Variants in LDB3 observed in about 807,000 individuals in gnomAD.
LDB3 encodes the protein LIM domain binding 3, also known as LIM domain-binding protein 3.
A neutral mutation model predicts 69.0 loss-of-function variants in LDB3; 49 were observed. That is an observed-to-expected ratio of 0.71 (90% CI 0.56 to 0.90). LDB3 has a LOEUF of 0.90. Ranked by LOEUF, LDB3 falls within the 40% of genes least tolerant of loss-of-function variation. LDB3 has a pLI of 0.00. For missense variants in LDB3, 928 were observed against 974.1 expected (o/e 0.95, Z 0.63); for synonymous variants, 387 against 396.2 (o/e 0.98, Z 0.28).
At chr10:86,730,264 T>C (rs576030818) in intron 13 of LDB3, among the ~76,000 whole-genome samples, 3 of 152,158 alleles carry the variant, frequency 2.0e-5, no homozygotes, top group Non-Finnish European at 4.4e-5. Flanking sequence ...TTTCTCTGTC[T>C]CCATGGGGGA....
Position 86,716,697 on chromosome 10 carries a change from G to T in LDB3, c.1602G>T (p.Gly534=), listed in dbSNP as rs778775619. Residue 534 remains glycine, a synonymous_variant, in exon 10 of 14, where the codon GGG becomes GGT. Transcript: ENST00000361373. The part of the protein sequence containing the change: ...AGPQVPPLAR[G]TVQRAERFPA... ...CTCAGGTGCCACCACTTGCCAGGGG[G>T]ACCGTCCAGAGGGCTGAGCGATTCC... is the stretch of plus-strand genomic sequence containing the variant. 1.2e-6 allele frequency: 2 copies of T among 1,613,634 alleles called. No homozygotes were observed. Among genetic ancestry groups the T allele is most frequent in the Admixed American group, 1.7e-5 (1 of 59,978 alleles).
At chr10:86,715,198 ACTG>A (rs1430486007) in intron 9 of LDB3, among the ~76,000 whole-genome samples, 6 of 152,124 alleles carry the variant, frequency 3.9e-5, no homozygotes, top group Non-Finnish European at 2.9e-5. Context: ...GGGTGCAGGG[ACTG>A]CCTCAATGCA....
chr10:86,702,070 C>A (rs1192457174), intron 7 of LDB3, among the ~76,000 whole-genome samples: 2 of 152,152 alleles, frequency 1.3e-5, no homozygotes, highest in Admixed American at 6.5e-5. Context: ...CCATAGTCAC[C>A]AGGCAGCAAG....
At chr10:86,701,728 G>A (rs892851582) in intron 7 of LDB3, among the ~76,000 whole-genome samples, 1 of 152,202 alleles carries the variant, frequency 6.6e-6, no homozygotes, top group African/African-American at 2.4e-5. Flanking sequence ...GAATTTGGGT[G>A]GAAGCAGATA....
In LDB3 at chr10:86,734,643, G is replaced by C. The variant is rs1847568533; in HGVS notation, c.*1667G>C. 1 of 152,230 alleles carries C rather than the reference G, an allele frequency of 6.6e-6. No homozygotes were observed. The highest frequency in any genetic ancestry group is 1.5e-5 in the Non-Finnish European group (1 of 68,068). The allele number at this position is 152,230 out of a possible 1,614,324, so 9.4% of individuals were successfully genotyped here. A position where few individuals can be genotyped will look rare whatever the true frequency, so the allele number is the denominator to read the frequency against. ...CCTGTCTCTTCTCCATGAGGGAGAA[G>C]GAAGCAGCTAGCTATGTCCCTAGCT... On this transcript the variant is annotated 3_prime_UTR_variant, in exon 14 of 14. Transcript: ENST00000361373.
chr10:86,700,183 C>T (rs1237654183), intron 7 of LDB3: 9 of 498,106 alleles, frequency 1.8e-5, no homozygotes, highest in African/African-American at 2.1e-5. Flanking sequence ...CAGGACACAG[C>T]GCAGCTCTGG....
rs763643660 is a variant in LDB3 at position 86,681,675 on chromosome 10, G to A, written c.561G>A (p.Pro187=). The A allele has an allele frequency of 1.6e-5, 26 of 1,613,274 alleles. No homozygotes were observed. Among genetic ancestry groups the A allele is most frequent in the African/African-American group, 9.3e-5 (7 of 74,936 alleles). The change falls in exon 5 of 14, where the codon CCG becomes CCA. Residue 187 remains proline, a synonymous_variant. Transcript: ENST00000361373. ...ARDLLGPKAL[P]GSSQPRQYNN... The stretch of plus-strand genomic sequence containing the variant: ...ACCTACTCGGCCCAAAAGCCCTGCC[G>A]GGCTCGAGCCAGCCGAGGCAATATA...
intron 13 of LDB3, chr10:86,726,512 C>A: frequency 2.0e-6 from 1 of 501,424 alleles, no homozygotes; most frequent in Non-Finnish European, 3.6e-6. Context: ...TTTGGCAAAC[C>A]AGCGGCTTGT....
intron 8 of LDB3, 33 bp downstream of exon 8, chr10:86,706,752 G>A (rs1426760075): frequency 1.3e-6 from 2 of 1,583,142 alleles, no homozygotes; most frequent in Non-Finnish European, 1.7e-6. Context: ...GCCTGACCCT[G>A]GGGAAGGGAG....
chr10:86,675,162 G>A (rs1166588672), intron 2 of LDB3, among the ~76,000 whole-genome samples: 1 of 150,820 alleles, frequency 6.6e-6, no homozygotes, highest in African/African-American at 2.4e-5. Context: ...CCAGGAGGCT[G>A]AGCTCTCCCT....
intron 7 of LDB3, among the ~76,000 whole-genome samples, chr10:86,700,553 G>A (rs1846221129): frequency 6.6e-6 from 1 of 152,232 alleles, no homozygotes; most frequent in Non-Finnish European, 1.5e-5. Flanking sequence ...GGGGAAAAGA[G>A]ATGGAAGGCA....
intron 12 of LDB3, among the ~76,000 whole-genome samples, chr10:86,723,255 G>A: frequency 8.7e-6 from 1 of 114,560 alleles, no homozygotes; most frequent in Non-Finnish European, 1.7e-5. Context: ...GTGTGACAGA[G>A]CAAGACTCAA....
At chr10:86,670,718 G>C (rs1844425269) in intron 2 of LDB3, among the ~76,000 whole-genome samples, 1 of 152,242 alleles carries the variant, frequency 6.6e-6, no homozygotes, top group Admixed American at 6.5e-5. Flanking sequence ...TCTAAAAATA[G>C]AACCCGAAGC....
chr10:86,696,103 A>G (rs1470404264), intron 7 of LDB3, among the ~76,000 whole-genome samples: 1 of 152,182 alleles, frequency 6.6e-6, no homozygotes, highest in Non-Finnish European at 1.5e-5. Context: ...TCATGCAGCC[A>G]TTAAGCTTCT....
upstream of LDB3, chr10:86,668,307 T>A: frequency 2.9e-6 from 1 of 342,886 alleles, no homozygotes; most frequent in Non-Finnish European, 5.7e-6. Context: ...GACCAGAGCA[T>A]TCTCACCAAC....
chr10:86,713,681 C>G (rs1173387605), intron 9 of LDB3, among the ~76,000 whole-genome samples: 1 of 152,182 alleles, frequency 6.6e-6, no homozygotes, highest in East Asian at 1.9e-4. Context: ...GCTCTCTGTC[C>G]CTGGTGGTGT....
intron 2 of LDB3, among the ~76,000 whole-genome samples, chr10:86,673,390 G>A (rs191099574): frequency 4.6e-5 from 7 of 152,322 alleles, no homozygotes; most frequent in Admixed American, 2.6e-4. Context: ...GGGAGGCAGC[G>A]GCAGTGGGGG....
intron 13 of LDB3, chr10:86,732,595 G>A (rs940252368): frequency 1.1e-5 from 5 of 471,336 alleles, no homozygotes; most frequent in East Asian, 6.3e-5. Flanking sequence ...TCTGTCTCCC[G>A]GGTTCAAGAG....
chr10:86,704,069 G>A (rs959557637), intron 7 of LDB3, among the ~76,000 whole-genome samples: 18 of 151,594 alleles, frequency 1.2e-4, no homozygotes, highest in East Asian at 1.9e-4. Flanking sequence ...AGCCGAGATC[G>A]CGACATTGCA....
Sources: allele counts gnomAD v4.1 joint callset (sites outside exome capture counted in the v4.1 genomes callset), GRCh38; gene constraint gnomAD v4.1.1; transcripts MANE v1.5; gene names NCBI Gene and HGNC (gene_info 2026-07-23, HGNC 2026-07-21).